Variants in PLXDC2 observed in about 807,000 individuals in gnomAD.
PLXDC2 encodes plexin domain containing 2.
In PLXDC2, 40 loss-of-function variants were observed where a neutral mutation model predicts 68.9. The observed-to-expected ratio is 0.58, with a 90% CI of 0.45 to 0.76. The LOEUF (loss-of-function observed/expected upper bound fraction) is 0.76, where lower values mean the gene tolerates loss of function less well. PLXDC2 is among the 30% of genes least tolerant of loss of function. The probability of loss-of-function intolerance (pLI) is 0.00; values close to 1 mark genes in which losing one functional copy is unlikely to be tolerated. For missense variants in PLXDC2, 644 were observed against 661.9 expected (o/e 0.97, Z 0.30); for synonymous variants, 243 against 234.2 (o/e 1.04, Z -0.34).
At chr10:19,890,492 A>C (rs1837935596) in intron 1 of PLXDC2, among the ~76,000 whole-genome samples, 1 of 149,278 alleles carries the variant, frequency 6.7e-6, no homozygotes, top group Non-Finnish European at 1.5e-5. Flanking sequence ...ATAAGTGATA[A>C]TATGCAGTAT....
At chr10:20,251,655 A>G (rs1835677298) in intron 13 of PLXDC2, among the ~76,000 whole-genome samples, 1 of 152,192 alleles carries the variant, frequency 6.6e-6, no homozygotes. Flanking sequence ...ACTGAAGGTC[A>G]AGAAAATAAT....
Position 19,817,087 on chromosome 10 carries a change from G to A in PLXDC2, c.8G>A (p.Arg3Lys), listed in dbSNP as rs772703697. The A allele has an allele frequency of 2.3e-5, 35 of 1,552,270 alleles. No homozygotes were observed. The highest frequency in any genetic ancestry group is 1.7e-4 in the Middle Eastern group (1 of 5,768). ...GGAGGTGGCGGCGGCGGCATGGCGAGGTTCCCGAAGGCCGACCTGGCCGCT... is the reference window on the plus strand; with the variant it reads ...GGAGGTGGCGGCGGCGGCATGGCGAAGTTCCCGAAGGCCGACCTGGCCGCT... The part of the protein sequence containing the change: MA[R>K]FPKADLAAAG... Residue 3 changes from arginine to lysine, a missense_variant, in exon 1 of 14, where the codon AGG becomes AAG. This residue lies in a region of PLXDC2 where 201 missense variants were observed against 166.9 expected (regional missense o/e 1.20). Transcript: ENST00000377252.
intron 4 of PLXDC2, among the ~76,000 whole-genome samples, chr10:20,126,386 T>TA (rs1833780474): frequency 3.6e-5 from 5 of 140,826 alleles, no homozygotes; most frequent in African/African-American, 1.4e-4. Context: ...TACATATGTG[T>TA]TATATAATAC....
chr10:19,885,209 T>C (rs1383203847), intron 1 of PLXDC2, among the ~76,000 whole-genome samples: 1 of 152,076 alleles, frequency 6.6e-6, no homozygotes, highest in Non-Finnish European at 1.5e-5. Context: ...TGTTTGTTTT[T>C]TTCTTGTAAA....
intron 1 of PLXDC2, among the ~76,000 whole-genome samples, chr10:19,963,404 T>C (rs1339600727): frequency 6.6e-6 from 1 of 152,212 alleles, no homozygotes; most frequent in Non-Finnish European, 1.5e-5. Flanking sequence ...CAGTCTATCA[T>C]TGTTGGACAT....
intron 1 of PLXDC2, among the ~76,000 whole-genome samples, chr10:19,882,264 AC>A (rs1837741194): frequency 6.6e-6 from 1 of 152,196 alleles, no homozygotes; most frequent in African/African-American, 2.4e-5. Flanking sequence ...CCACTACTCC[AC>A]ACAATAAACA....
intron 2 of PLXDC2, among the ~76,000 whole-genome samples, chr10:20,002,768 A>T (rs1834964232): frequency 1.3e-5 from 2 of 152,018 alleles, no homozygotes. Context: ...CTAACTGATG[A>T]CCTGTTTATG....
In PLXDC2 at chr10:20,199,043, A is replaced by C. The variant is rs796966862; in HGVS notation, c.1062-12626A>C. 1.2e-4 allele frequency among the ~76,000 whole-genome samples: 18 copies of C among 152,156 alleles called. No homozygotes were observed. In the South Asian group the frequency reaches 2.3e-3, roughly 19 times the overall value. On this transcript the variant is annotated intron_variant, in intron 9 of 13. Transcript: ENST00000377252. ...TTATTTATTCTGTATAGAATTTTAA[A>C]ACCTCAATAGTTAAAAATCCAGTCA...
chr10:20,228,149 A>G (rs1286317331), intron 12 of PLXDC2, among the ~76,000 whole-genome samples: 2 of 152,198 alleles, frequency 1.3e-5, no homozygotes, highest in Non-Finnish European at 2.9e-5. Flanking sequence ...GCATTTTTCT[A>G]TATAAGCCTG....
intron 3 of PLXDC2, among the ~76,000 whole-genome samples, chr10:20,066,466 G>T (rs1472281871): frequency 1.3e-5 from 2 of 152,140 alleles, no homozygotes; most frequent in African/African-American, 4.8e-5. Context: ...AAATAAATTA[G>T]AATGATGGAA....
Position 19,895,642 on chromosome 10 carries a change from A to T in PLXDC2, c.112+78451A>T, listed in dbSNP as rs556976231. On this transcript the variant is annotated intron_variant, in intron 1 of 13. Transcript: ENST00000377252. Reference sequence around the variant, plus strand: ...TGGACTTGCCCCATTTTACCCACTCAGTAGTCACACGTGGCTAGTGGCCAC... The same window carrying T: ...TGGACTTGCCCCATTTTACCCACTCTGTAGTCACACGTGGCTAGTGGCCAC... Among the ~76,000 whole-genome samples, 75 of 152,256 alleles carry T rather than the reference A, an allele frequency of 4.9e-4. 1 individual carries two copies. The highest frequency in any genetic ancestry group is 1.7e-3 in the African/African-American group (72 of 41,550).
intron 13 of PLXDC2, among the ~76,000 whole-genome samples, chr10:20,258,461 T>G (rs1835770776): frequency 3.3e-5 from 5 of 152,196 alleles, no homozygotes. Flanking sequence ...TTATAGAATT[T>G]TTAAGTATTT....
chr10:20,235,147 G>A (rs1422825027), intron 12 of PLXDC2, among the ~76,000 whole-genome samples: 1 of 152,132 alleles, frequency 6.6e-6, no homozygotes, highest in Admixed American at 6.5e-5. Context: ...TCAGGTGGTT[G>A]CAAGTACGTG....
chr10:20,229,634 T>C (rs1309510540), intron 12 of PLXDC2, among the ~76,000 whole-genome samples: 3 of 151,742 alleles, frequency 2.0e-5, no homozygotes, highest in Non-Finnish European at 4.4e-5. Context: ...AGATGGTAAA[T>C]TTAGTTAATC....
chr10:19,817,859 G>T (rs976682126), intron 1 of PLXDC2, among the ~76,000 whole-genome samples: 2 of 152,170 alleles, frequency 1.3e-5, no homozygotes, highest in Non-Finnish European at 2.9e-5. Context: ...GCCTGAACGC[G>T]CAGAGAGTTC....
chr10:20,114,063 G>A (rs1258339448), intron 4 of PLXDC2, among the ~76,000 whole-genome samples: 1 of 152,228 alleles, frequency 6.6e-6, no homozygotes, highest in Non-Finnish European at 1.5e-5. Flanking sequence ...GGTGGAGGTT[G>A]CAGTGAGCCG....
intron 13 of PLXDC2, among the ~76,000 whole-genome samples, chr10:20,262,170 C>T (rs993014956): frequency 5.3e-5 from 8 of 152,176 alleles, no homozygotes; most frequent in South Asian, 2.1e-4. Flanking sequence ...AGGGAAAGCA[C>T]GCTTCTCCCA....
At chr10:20,160,040 T>C (rs1834270127) in intron 6 of PLXDC2, among the ~76,000 whole-genome samples, 1 of 152,208 alleles carries the variant, frequency 6.6e-6, no homozygotes, top group Non-Finnish European at 1.5e-5. Context: ...CTCTAGAATG[T>C]AGGCTCTGTG....
At chr10:19,975,552 C>T (rs1195483674) in intron 1 of PLXDC2, among the ~76,000 whole-genome samples, 1 of 152,046 alleles carries the variant, frequency 6.6e-6, no homozygotes, top group Admixed American at 6.5e-5. Context: ...TGTCACACAC[C>T]ATCCCCCCAA....
Sources: gnomAD v4.1 joint callset for allele counts (sites outside exome capture counted in the v4.1 genomes callset) on GRCh38, gnomAD v4.1.1 for gene constraint, gnomAD v4.1.1 regional missense constraint, MANE v1.5 for transcripts, NCBI Gene and HGNC (gene_info 2026-07-23, HGNC 2026-07-21) for gene names.